Variants in ACACB observed in about 807,000 individuals in gnomAD.
ACACB encodes the protein acetyl-CoA carboxylase beta, also known as acetyl-CoA carboxylase 2.
A neutral mutation model predicts 278.8 loss-of-function variants in ACACB; 209 were observed. The ratio of observed to expected loss-of-function variants is 0.75; its 90% CI spans 0.67 to 0.84. The LOEUF is 0.84. ACACB is among the 40% of genes least tolerant of loss of function. The pLI, the probability that ACACB is intolerant of heterozygous loss-of-function variation, is 0.00. For synonymous variants in ACACB, 1,174 were observed against 1,285.6 expected (o/e 0.91, Z 1.86); for missense variants, 2,850 against 3,269.0 (o/e 0.87, Z 3.13).
chr12:109,157,400 G>C (rs1378324630), intron 2 of ACACB, among the ~76,000 whole-genome samples: 1 of 151,796 alleles, frequency 6.6e-6, no homozygotes, highest in Non-Finnish European at 1.5e-5. Context: ...AGCCTTCCAA[G>C]TAGTGGGACC....
At chr12:109,185,099 A>G (rs1368034023) in intron 11 of ACACB, among the ~76,000 whole-genome samples, 4 of 152,152 alleles carry the variant, frequency 2.6e-5, no homozygotes, top group South Asian at 2.1e-4. Context: ...AGAATACTAC[A>G]CAGGTGTTGT....
At chr12:109,199,087 G>A (rs982507512) in intron 17 of ACACB, among the ~76,000 whole-genome samples, 1 of 152,144 alleles carries the variant, frequency 6.6e-6, no homozygotes, top group Non-Finnish European at 1.5e-5. Context: ...CTATGCGGGA[G>A]GCTGAGGCAG....
At position 109,253,171 on chromosome 12, in the gene ACACB, C is replaced by A; in HGVS notation, c.6045+13C>A. The A allele has an allele frequency of 6.5e-7, 1 of 1,537,574 alleles. No homozygotes were observed. The highest frequency in any genetic ancestry group is 8.8e-7 in the Non-Finnish European group (1 of 1,135,570). Reference sequence around the variant, plus strand: ...CTATATGCCAAAGGTGCAGTACTCCCCCTGCAGCTTAGAACCTGGAAGACT... The same window carrying A: ...CTATATGCCAAAGGTGCAGTACTCCACCTGCAGCTTAGAACCTGGAAGACT... On this transcript the variant is annotated intron_variant, in intron 43 of 52. Coordinates refer to ENST00000338432, the MANE Select transcript of ACACB (RefSeq NM_001093.4).
rs921602631 is a variant in ACACB, at chr12:109,232,896, G to T, written c.4139+90G>T. 3 of 1,510,254 alleles carry T rather than the reference G, an allele frequency of 2.0e-6. No individual in the cohort carries two copies. The East Asian group carries it at 6.8e-5, about 34-fold the overall frequency. 93.6% of individuals were successfully genotyped at this position (1,510,254 alleles called of 1,614,324 possible). On this transcript the variant is annotated intron_variant, in intron 29 of 52. Coordinates refer to ENST00000338432, the MANE Select transcript of ACACB (RefSeq NM_001093.4). ...CCCCCCCAATTCACTGGACAGATGG[G>T]GTGGGAGAGACCCAGACACGTGGCA...
rs147334084 is a variant in ACACB at position 109,230,373 on chromosome 12, G to A, written c.4002-2296G>A. ...TTCTGGGGATTTGGAGAGCAGTGGTGGTGTAAGATATTTTGTAGCTGTCTA... is the reference window on the plus strand; with the variant it reads ...TTCTGGGGATTTGGAGAGCAGTGGTAGTGTAAGATATTTTGTAGCTGTCTA... On this transcript the variant is annotated intron_variant, in intron 28 of 52. Transcript: ENST00000338432. 3.4e-3 allele frequency among the ~76,000 whole-genome samples: 523 copies of A among 152,126 alleles called. 5 individuals carry two copies. The highest frequency in any genetic ancestry group is 0.012 in the African/African-American group (505 of 41,484).
chr12:109,207,872 G>A (rs373711929), intron 20 of ACACB, among the ~76,000 whole-genome samples: 3 of 152,166 alleles, frequency 2.0e-5, no homozygotes, highest in East Asian at 3.9e-4. Context: ...TAGAGACGGG[G>A]TTCTACCGTG....
chr12:109,239,564 G>T (rs758988825), intron 34 of ACACB, among the ~76,000 whole-genome samples: 14 of 152,236 alleles, frequency 9.2e-5, no homozygotes, highest in Non-Finnish European at 1.5e-4. Context: ...CAGGTGGTTT[G>T]TGTCCCCAGG....
intron 4 of ACACB, among the ~76,000 whole-genome samples, chr12:109,169,489 G>A (rs1419774943): frequency 6.6e-6 from 1 of 152,140 alleles, no homozygotes; most frequent in Non-Finnish European, 1.5e-5. Context: ...ATTCAAAATT[G>A]TCACCCAGGC....
At chr12:109,209,402 G>T in intron 21 of ACACB, 49 bp downstream of exon 21, 1 of 1,550,708 alleles carries the variant, frequency 6.4e-7, no homozygotes, top group Non-Finnish European at 8.7e-7. Flanking sequence ...GTCACACTGG[G>T]CCGGCTCCCG....
At chr12:109,220,898 A>G (rs1454720806) in intron 24 of ACACB, among the ~76,000 whole-genome samples, 1 of 152,202 alleles carries the variant, frequency 6.6e-6, no homozygotes, top group East Asian at 1.9e-4. Flanking sequence ...TTTTGTATGT[A>G]GAAGGCAATG....
chr12:109,176,306 ATTGT>A (rs2044282091), intron 9 of ACACB, 43 bp downstream of exon 9: 1 of 1,536,040 alleles, frequency 6.5e-7, no homozygotes, highest in African/African-American at 1.4e-5. Context: ...GTCTTTGGGA[ATTGT>A]TTGTGGGCTG....
In ACACB at chr12:109,258,299, G is replaced by C. The variant is rs1409590054; in HGVS notation, c.6295G>C (p.Val2099Leu). 6.2e-7 allele frequency: 1 copy of C among 1,612,722 alleles called. No homozygotes were observed. The highest frequency in any genetic ancestry group is 1.1e-5 in the South Asian group (1 of 90,562). Residue 2099 changes from valine (V) to leucine (L), a missense_variant, in exon 46 of 53, where the codon GTG (valine) becomes CTG (leucine). Physicochemically the swap from Val to Leu is conservative, Grantham distance 32. This residue lies in a region of ACACB where 579 missense variants were observed against 684.6 expected (regional missense o/e 0.85). Transcript: ENST00000338432. ...LGGIPVGVIAVETRTVEVAVP... is the reference protein window; with the variant it reads ...LGGIPVGVIALETRTVEVAVP... ...GGGGATTCCCGTGGGAGTGATTGCT[G>C]TGGAGACACGGACTGTGGAGGTGGC... is the stretch of plus-strand genomic sequence containing the variant.
At chr12:109,119,538 C>T (rs910380932) in intron 1 of ACACB, among the ~76,000 whole-genome samples, 7 of 150,524 alleles carry the variant, frequency 4.7e-5, no homozygotes, top group African/African-American at 9.8e-5. Context: ...TGCCGTGAAC[C>T]GAGATGGTGC....
intron 42 of ACACB, chr12:109,252,440 CA>C (rs3214393): frequency 0.3 from 78,858 of 260,326 alleles, 13,620 homozygotes; most frequent in Non-Finnish European, 0.34. Flanking sequence ...AGGAACCCCC[CA>C]AAAAAGTAAT....
At chr12:109,172,425 T>G in intron 6 of ACACB, 69 bp downstream of exon 6, 1 of 1,427,912 alleles carries the variant, frequency 7.0e-7, no homozygotes, top group Non-Finnish European at 9.8e-7. Context: ...GGTCTGACCC[T>G]CTTTCTCCTC....
intron 10 of ACACB, among the ~76,000 whole-genome samples, chr12:109,179,531 C>T (rs912169707): frequency 4.6e-5 from 7 of 152,160 alleles, no homozygotes; most frequent in South Asian, 2.1e-4. Flanking sequence ...GTGTTGCCCA[C>T]GCTGGAGTGC....
chr12:109,130,456 G>A (rs534527130), intron 1 of ACACB, among the ~76,000 whole-genome samples: 13 of 152,310 alleles, frequency 8.5e-5, no homozygotes, highest in African/African-American at 2.2e-4. Flanking sequence ...TCAATATAGC[G>A]GAAGAACTGG....
intron 24 of ACACB, among the ~76,000 whole-genome samples, chr12:109,222,294 C>T (rs978000463): frequency 4.6e-5 from 7 of 150,862 alleles, no homozygotes; most frequent in Admixed American, 1.3e-4. Flanking sequence ...AATGGGTGGC[C>T]GAGTGAGTGA....
intron 2 of ACACB, among the ~76,000 whole-genome samples, chr12:109,151,737 G>T (rs2136079778): frequency 6.6e-6 from 1 of 152,300 alleles, no homozygotes; most frequent in East Asian, 1.9e-4. Flanking sequence ...GTAAAATTGA[G>T]CTTCTAGTAA....
Sources: gnomAD v4.1 joint callset for allele counts (sites outside exome capture counted in the v4.1 genomes callset) on GRCh38, gnomAD v4.1.1 for gene constraint, gnomAD v4.1.1 regional missense constraint, MANE v1.5 for transcripts, NCBI Gene and HGNC (gene_info 2026-07-23, HGNC 2026-07-21) for gene names.